Variants in UBE4B observed in about 807,000 individuals in gnomAD.
UBE4B encodes ubiquitination factor E4B, also known as ubiquitin conjugation factor E4 B.
In UBE4B, 27 loss-of-function variants were observed where a neutral mutation model predicts 148.1. That is an observed-to-expected ratio of 0.18 (90% CI 0.13 to 0.25). UBE4B has a LOEUF of 0.25. UBE4B is among the 10% of genes least tolerant of loss of function. The probability of loss-of-function intolerance (pLI) is 1.00; values close to 1 mark genes in which losing one functional copy is unlikely to be tolerated. For missense variants in UBE4B, 1,170 were observed against 1,662.4 expected, an observed-to-expected ratio of 0.70 and a Z score of 5.15; for synonymous variants, 596 against 619.3, an observed-to-expected ratio of 0.96 and a Z score of 0.56.
At chr1:10,062,032 C>T (rs1644296494) in intron 1 of UBE4B, among the ~76,000 whole-genome samples, 1 of 150,986 alleles carries the variant, frequency 6.6e-6, no homozygotes, top group Admixed American at 6.6e-5. Flanking sequence ...GCCTCAGCTT[C>T]CTGAGTATCT....
intron 17 of UBE4B, among the ~76,000 whole-genome samples, chr1:10,142,232 AT>A (rs1645794196): frequency 6.6e-6 from 1 of 151,862 alleles, no homozygotes; most frequent in Non-Finnish European, 1.5e-5. Flanking sequence ...CCAGAGCCCC[AT>A]TTTTTTCATG....
At chr1:10,071,671 A>G (rs1452275991) in intron 1 of UBE4B, among the ~76,000 whole-genome samples, 1 of 144,158 alleles carries the variant, frequency 6.9e-6, no homozygotes, top group Non-Finnish European at 1.6e-5. Context: ...ACTAACATAC[A>G]GTATATACGT....
At chr1:10,101,821 TA>T (rs1645017483) in intron 4 of UBE4B, among the ~76,000 whole-genome samples, 1 of 152,182 alleles carries the variant, frequency 6.6e-6, no homozygotes, top group South Asian at 2.1e-4. Context: ...CTTTTGCTTT[TA>T]AGCAAGTAGA....
intron 7 of UBE4B, among the ~76,000 whole-genome samples, chr1:10,109,948 C>T (rs1645191466): frequency 6.6e-6 from 1 of 152,198 alleles, no homozygotes; most frequent in Non-Finnish European, 1.5e-5. Flanking sequence ...GTCCGCCCAC[C>T]TCGGCCTCCC....
chr1:10,178,668 G>A lies in UBE4B; in HGVS notation c.3550G>A (p.Glu1184Lys). ...DQRSYSKELFEEVISKMRKAG... is the reference protein window; with the variant it reads ...DQRSYSKELFKEVISKMRKAG... ...GAGATCCTACAGTAAGGAATTGTTTGAAGAAGTTATTTCAAAGATGCGGAA... is the reference window on the plus strand; with the variant it reads ...GAGATCCTACAGTAAGGAATTGTTTAAAGAAGTTATTTCAAAGATGCGGAA... The change falls in exon 26 of 28, where the codon GAA (glutamate) becomes AAA (lysine). Residue 1184 changes from glutamate (E) to lysine (K), a missense_variant. By Grantham distance (56) the Glu-to-Lys change is moderately conservative. Transcript: ENST00000343090. The A allele has an allele frequency of 1.2e-6, 2 of 1,612,620 alleles. No homozygotes were observed. Among genetic ancestry groups the A allele is most frequent in the South Asian group, 2.2e-5 (2 of 90,878 alleles).
At chr1:10,053,709 C>G (rs1046312408) in intron 1 of UBE4B, among the ~76,000 whole-genome samples, 2 of 151,670 alleles carry the variant, frequency 1.3e-5, no homozygotes, top group Non-Finnish European at 2.9e-5. Flanking sequence ...GAGACAAGGT[C>G]TTGCTATGTC....
At chr1:10,159,980 C>G (rs1322054750) in intron 22 of UBE4B, among the ~76,000 whole-genome samples, 1 of 152,208 alleles carries the variant, frequency 6.6e-6, no homozygotes, top group Non-Finnish European at 1.5e-5. Context: ...CCTGAACTTG[C>G]CATGTTCCTG....
intron 7 of UBE4B, among the ~76,000 whole-genome samples, chr1:10,108,440 A>G (rs1645158576): frequency 6.6e-6 from 1 of 152,194 alleles, no homozygotes; most frequent in Admixed American, 6.5e-5. Flanking sequence ...AAACCGAGTG[A>G]AAAGCACTAC....
chr1:10,108,146 G>GGTGTGT (rs145406095), intron 7 of UBE4B, among the ~76,000 whole-genome samples: 2 of 148,690 alleles, frequency 1.3e-5, no homozygotes, highest in South Asian at 2.1e-4. Context: ...ATTTGGGGGA[G>GGTGTGT]GTGTGTGTGT....
intron 3 of UBE4B, among the ~76,000 whole-genome samples, chr1:10,099,204 T>C (rs1363563874): frequency 6.6e-6 from 1 of 152,156 alleles, no homozygotes; most frequent in Non-Finnish European, 1.5e-5. Context: ...ATTGCACCAC[T>C]GCACTACAGC....
chr1:10,110,929 G>A (rs960272252), intron 7 of UBE4B, among the ~76,000 whole-genome samples: 1 of 151,832 alleles, frequency 6.6e-6, no homozygotes, highest in African/African-American at 2.4e-5. Context: ...CCACGAGTTA[G>A]AGGCTGCAGT....
chr1:10,106,430 C>A lies in UBE4B; in HGVS notation c.1043C>A (p.Ser348Ter). ...PWASSGVSILSSSPSPPALAS... is the reference protein window; with the variant it reads ...PWASSGVSIL ...GCGTCCTCAGGCGTCTCCATTCTGTCGAGCTCCCCAAGTCCCCCTGCCCTC... is the reference window on the plus strand; with the variant it reads ...GCGTCCTCAGGCGTCTCCATTCTGTAGAGCTCCCCAAGTCCCCCTGCCCTC... Residue 348 changes from serine to a stop codon, truncating the protein, a stop_gained, in exon 7 of 28, where the codon TCG becomes TAG. Transcript: ENST00000343090. LOFTEE classifies it high-confidence loss of function. The surrounding 1 kb of genome is among the most constrained non-coding windows in gnomAD (Gnocchi z 4.2). 1 of 1,613,750 alleles carries A rather than the reference C, an allele frequency of 6.2e-7. No homozygotes were observed. Among genetic ancestry groups the A allele is most frequent in the Non-Finnish European group, 8.5e-7 (1 of 1,179,822 alleles).
rs368856322 is a variant in UBE4B, at chr1:10,044,373, C to G, written c.24+10679C>G. 9.9e-5 allele frequency among the ~76,000 whole-genome samples: 15 copies of G among 150,846 alleles called. No homozygotes were observed. In the East Asian group the frequency reaches 2.4e-3, roughly 24 times the overall value. ...CCTGGCCCAGTTCCATATTTAATTG[C>G]CAAACACCACCAAGTGAATTAGGGC... On this transcript the variant is annotated intron_variant, in intron 1 of 27. Coordinates refer to ENST00000343090, the MANE Select transcript of UBE4B (RefSeq NM_001105562.3).
intron 21 of UBE4B, among the ~76,000 whole-genome samples, chr1:10,153,730 A>G (rs559866781): frequency 1.3e-5 from 2 of 152,216 alleles, no homozygotes; most frequent in East Asian, 3.9e-4. Context: ...TGGGTGGATC[A>G]CAAGGTCAAG....
At chr1:10,087,674 A>G (rs1478574534) in intron 2 of UBE4B, among the ~76,000 whole-genome samples, 2 of 152,246 alleles carry the variant, frequency 1.3e-5, no homozygotes, top group East Asian at 1.9e-4. Flanking sequence ...TCAGGGGTAT[A>G]TAATATCCAC....
chr1:10,143,486 A>C (rs1374717398), intron 17 of UBE4B, among the ~76,000 whole-genome samples: 1 of 151,966 alleles, frequency 6.6e-6, no homozygotes, highest in African/African-American at 2.4e-5. Context: ...TCTGTCTCTG[A>C]GTCCTTTTTT....
intron 1 of UBE4B, among the ~76,000 whole-genome samples, chr1:10,053,748 G>A (rs1644102108): frequency 6.6e-6 from 1 of 152,138 alleles, no homozygotes; most frequent in Admixed American, 6.5e-5. Flanking sequence ...GAGTGCAGTG[G>A]CGTGATCACG....
rs199810574 is a variant in UBE4B at position 10,095,549 on chromosome 1, C to T, written c.300C>T (p.Leu100=). 1.2e-6 allele frequency: 2 copies of T among 1,614,046 alleles called. No homozygotes were observed. Among genetic ancestry groups the T allele is most frequent in the South Asian group, 1.1e-5 (1 of 91,088 alleles). The stretch of plus-strand genomic sequence containing the variant: ...GCCTTGAAACGCAATCTCAGTCTCT[C>T]TCACGTTCCCAGAGCATGGATATCG... ...SNSLETQSQS[L]SRSQSMDIDG... Residue 100 remains leucine, a synonymous_variant, in exon 3 of 28, where the codon CTC becomes CTT. Transcript: ENST00000343090.
intron 1 of UBE4B, among the ~76,000 whole-genome samples, chr1:10,036,995 G>T (rs577732767): frequency 3.9e-5 from 6 of 152,150 alleles, no homozygotes; most frequent in Admixed American, 1.3e-4. Flanking sequence ...GCACTTTTTG[G>T]TCCCTGTCAT....
Sources: gnomAD v4.1 joint callset for allele counts (sites outside exome capture counted in the v4.1 genomes callset) on GRCh38, gnomAD v4.1.1 for gene constraint, Gnocchi (gnomAD v3.1) non-coding constraint, MANE v1.5 for transcripts, NCBI Gene and HGNC (gene_info 2026-07-23, HGNC 2026-07-21) for gene names.